RERE: variants seen among roughly 807,000 people sequenced by gnomAD.
RERE encodes the protein arginine-glutamic acid dipeptide repeats protein.
Under a neutral mutation model 146.1 loss-of-function variants are expected in RERE, and 40 were observed. The observed-to-expected ratio is 0.27, with a 90% CI of 0.21 to 0.36. The LOEUF (loss-of-function observed/expected upper bound fraction) is 0.36, where lower values mean the gene tolerates loss of function less well. Among genes scored for constraint, RERE ranks in the 10% least tolerant of loss-of-function variants. RERE has a pLI of 1.00. For synonymous variants in RERE, 1,003 were observed against 866.0 expected (o/e 1.16, Z -2.78); for missense variants, 1,933 against 2,138.7 (o/e 0.90, Z 1.90).
chr1:8,385,968 T>TAAAAA (rs34493389), intron 12 of RERE, among the ~76,000 whole-genome samples: 13 of 9,482 alleles, frequency 1.4e-3, no homozygotes, highest in African/African-American at 2.4e-3. Flanking sequence ...GACTCCGTCT[T>TAAAAA]AAAAAAAAAA....
intron 10 of RERE, among the ~76,000 whole-genome samples, chr1:8,479,700 G>A (rs1644805592): frequency 6.6e-6 from 1 of 152,198 alleles, no homozygotes; most frequent in South Asian, 2.1e-4. Flanking sequence ...TCTGCCAGGA[G>A]GAGCCGGAGA....
At chr1:8,521,144 T>C (rs925724876) in intron 7 of RERE, among the ~76,000 whole-genome samples, 10 of 128,996 alleles carry the variant, frequency 7.8e-5, no homozygotes, top group Non-Finnish European at 1.4e-4. Flanking sequence ...ACACCCAATA[T>C]TATAAATTAT....
intron 1 of RERE, among the ~76,000 whole-genome samples, chr1:8,700,468 C>G (rs866609830): frequency 5.3e-5 from 8 of 151,888 alleles, no homozygotes; most frequent in South Asian, 2.1e-4. Context: ...AGACTCAAAT[C>G]TACTCATAAA....
intron 1 of RERE, among the ~76,000 whole-genome samples, chr1:8,784,469 T>C (rs1265463284): frequency 8.5e-5 from 13 of 152,220 alleles, no homozygotes; most frequent in South Asian, 2.1e-4. Flanking sequence ...TGGGGTTTTT[T>C]TTCTCTTTTG....
At chr1:8,363,959 C>T (rs1291646475) in intron 15 of RERE, 97 bp downstream of exon 15, 2 of 1,155,496 alleles carry the variant, frequency 1.7e-6, no homozygotes, top group Non-Finnish European at 2.5e-6. Context: ...GTCTGGTAAA[C>T]AAGACTTTCG....
chr1:8,529,702 CAATT>C (rs1279939545), intron 7 of RERE, among the ~76,000 whole-genome samples: 2 of 152,066 alleles, frequency 1.3e-5, no homozygotes, highest in African/African-American at 4.8e-5. Flanking sequence ...AAACAGAAGT[CAATT>C]AACACCCAGC....
intron 1 of RERE, among the ~76,000 whole-genome samples, chr1:8,788,805 C>T (rs1641306970): frequency 6.6e-6 from 1 of 151,806 alleles, no homozygotes; most frequent in Non-Finnish European, 1.5e-5. Flanking sequence ...AAACAAGACT[C>T]GTCCCTGTGC....
rs1406755856 is a variant in RERE, at chr1:8,360,026, G to A, written c.3396-40C>T. The A allele has an allele frequency of 5.6e-6, 9 of 1,604,584 alleles. No homozygotes were observed. In the Admixed American group the frequency reaches 1.5e-4, roughly 27 times the overall value. ...AGATCTTGCTGGGAGCTCCTGCCGAGACCCACCCCGGCCCTCCCTCCCACC... is the reference window on the plus strand; with the variant it reads ...AGATCTTGCTGGGAGCTCCTGCCGAAACCCACCCCGGCCCTCCCTCCCACC... On this transcript the variant is annotated intron_variant, in intron 18 of 22. Transcript: ENST00000400908.
chr1:8,755,292 T>G (rs1409427996), intron 1 of RERE, among the ~76,000 whole-genome samples: 1 of 152,250 alleles, frequency 6.6e-6, no homozygotes, highest in Non-Finnish European at 1.5e-5. Context: ...ATGGTTATCA[T>G]GATAAATTAA....
chr1:8,596,416 C>T (rs188547863), intron 4 of RERE, among the ~76,000 whole-genome samples: 24 of 152,334 alleles, frequency 1.6e-4, no homozygotes, highest in Non-Finnish European at 2.1e-4. Flanking sequence ...TTCTCAGACA[C>T]AAGTCAGAAT....
chr1:8,605,776 TA>T (rs915731600), intron 4 of RERE, among the ~76,000 whole-genome samples: 6 of 95,100 alleles, frequency 6.3e-5, no homozygotes, highest in Admixed American at 1.1e-4. Flanking sequence ...AAAAAACCCC[TA>T]AAAAAAGTGA....
At chr1:8,808,407 C>T (rs1054093764) in intron 1 of RERE, among the ~76,000 whole-genome samples, 7 of 152,080 alleles carry the variant, frequency 4.6e-5, no homozygotes, top group African/African-American at 1.4e-4. Flanking sequence ...ACAAAGAGAA[C>T]ATACTGGAAA....
intron 4 of RERE, among the ~76,000 whole-genome samples, chr1:8,600,487 C>T (rs931335737): frequency 6.6e-6 from 1 of 152,090 alleles, no homozygotes; most frequent in East Asian, 1.9e-4. Context: ...ATAGCTGTGC[C>T]AATTCTCTGG....
At chr1:8,784,656 CA>C (rs1641229223) in intron 1 of RERE, among the ~76,000 whole-genome samples, 1 of 151,990 alleles carries the variant, frequency 6.6e-6, no homozygotes. Flanking sequence ...AAAAGGTTTC[CA>C]AATCTTTGTT....
intron 2 of RERE, among the ~76,000 whole-genome samples, chr1:8,645,733 G>A (rs1324698644): frequency 6.6e-6 from 1 of 152,112 alleles, no homozygotes; most frequent in Non-Finnish European, 1.5e-5. Context: ...AAAAAGATAT[G>A]ATTAATTTGT....
chr1:8,499,286 G>C (rs1381877801), intron 8 of RERE, among the ~76,000 whole-genome samples: 1 of 152,122 alleles, frequency 6.6e-6, no homozygotes, highest in African/African-American at 2.4e-5. Context: ...AATAAAATAA[G>C]AATTATATAT....
intron 2 of RERE, among the ~76,000 whole-genome samples, chr1:8,633,118 T>C (rs1557446270): frequency 6.6e-6 from 1 of 152,176 alleles, no homozygotes; most frequent in East Asian, 1.9e-4. Context: ...TGATATTCTG[T>C]TTAAGAGAAA....
At chr1:8,793,482 T>G (rs1446285014) in intron 1 of RERE, among the ~76,000 whole-genome samples, 1 of 152,040 alleles carries the variant, frequency 6.6e-6, no homozygotes, top group African/African-American at 2.4e-5. Context: ...TGCAAAGAGG[T>G]TAAGACCCAA....
At chr1:8,553,685 T>C (rs2124417902) in intron 6 of RERE, among the ~76,000 whole-genome samples, 1 of 152,290 alleles carries the variant, frequency 6.6e-6, no homozygotes, top group Non-Finnish European at 1.5e-5. Context: ...AACTAATTAA[T>C]GAGGATTATA....
Sources: allele counts gnomAD v4.1 joint callset (sites outside exome capture counted in the v4.1 genomes callset), GRCh38; gene constraint gnomAD v4.1.1; transcripts MANE v1.5; gene names NCBI Gene and HGNC (gene_info 2026-07-23, HGNC 2026-07-21).